RBFOX1: variants seen among roughly 807,000 people sequenced by gnomAD.
The protein encoded by RBFOX1 is RNA binding fox-1 homolog 1, also known as RNA binding protein fox-1 homolog 1.
RBFOX1 carries 8 observed loss-of-function variants against 57.7 expected under a neutral mutation model. The ratio of observed to expected loss-of-function variants is 0.14; its 90% CI spans 0.08 to 0.25. The LOEUF (loss-of-function observed/expected upper bound fraction) is 0.25, where lower values mean the gene tolerates loss of function less well. Ranked by LOEUF, RBFOX1 falls within the 10% of genes least tolerant of loss-of-function variation. The probability of loss-of-function intolerance (pLI) is 1.00; values close to 1 mark genes in which losing one functional copy is unlikely to be tolerated. For missense variants in RBFOX1, 611 were observed against 548.5 expected, an observed-to-expected ratio of 1.11 and a Z score of -1.14; for synonymous variants, 326 against 222.4, an observed-to-expected ratio of 1.47 and a Z score of -4.15.
rs187160600 is a variant in RBFOX1, at chr16:6,545,921, G to A, written c.-63-108682G>A. 1.5e-3 allele frequency among the ~76,000 whole-genome samples: 224 copies of A among 152,296 alleles called. 1 individual carries two copies. Among genetic ancestry groups the A allele is most frequent in the Non-Finnish European group, 2.4e-3 (165 of 68,022 alleles). On this transcript the variant is annotated intron_variant, in intron 2 of 15. Transcript: ENST00000550418. ...AGCTCTTTCAACTTGAGTACTGCAC[G>A]TGCTAGATAGTCTCTGTGTACTGTT...
intron 4 of RBFOX1, among the ~76,000 whole-genome samples, chr16:7,146,094 A>G (rs1600923049): frequency 6.6e-6 from 1 of 152,184 alleles, no homozygotes; most frequent in African/African-American, 2.4e-5. Flanking sequence ...AATGAATTTT[A>G]AAATGAACTT....
intron 3 of RBFOX1, among the ~76,000 whole-genome samples, chr16:6,862,334 A>C (rs975882291): frequency 2.6e-5 from 4 of 152,182 alleles, no homozygotes; most frequent in African/African-American, 9.6e-5. Context: ...GGCGATGCTG[A>C]TCGTGCAGGT....
chr16:5,633,701 C>G (rs1221017964), intron 3 of RBFOX1, among the ~76,000 whole-genome samples: 1 of 152,056 alleles, frequency 6.6e-6, no homozygotes, highest in South Asian at 2.1e-4. Flanking sequence ...TCGTGAAACT[C>G]CGTCTCTTCT....
chr16:7,296,435 G>A (rs779454337), intron 4 of RBFOX1, among the ~76,000 whole-genome samples: 8 of 151,834 alleles, frequency 5.3e-5, no homozygotes, highest in Non-Finnish European at 1.2e-4. Context: ...ACTTTTCTTG[G>A]AACTGTCCAT....
chr16:6,621,152 C>G (rs1242307577), intron 2 of RBFOX1, among the ~76,000 whole-genome samples: 1 of 152,206 alleles, frequency 6.6e-6, no homozygotes, highest in Non-Finnish European at 1.5e-5. Flanking sequence ...AAATCTCCCT[C>G]TCCTTTCTCT....
chr16:7,258,207 G>A (rs568046883), intron 4 of RBFOX1, among the ~76,000 whole-genome samples: 5 of 152,224 alleles, frequency 3.3e-5, no homozygotes, highest in Admixed American at 6.5e-5. Context: ...GTACAGAGAG[G>A]CATGTATGCA....
chr16:7,228,924 T>C (rs1297274074), intron 4 of RBFOX1, among the ~76,000 whole-genome samples: 1 of 152,102 alleles, frequency 6.6e-6, no homozygotes, highest in African/African-American at 2.4e-5. Context: ...ATGGATGCAT[T>C]GGGGTAGAGA....
intron 2 of RBFOX1, among the ~76,000 whole-genome samples, chr16:6,383,953 A>G (rs748405412): frequency 6.6e-6 from 1 of 152,118 alleles, no homozygotes; most frequent in Non-Finnish European, 1.5e-5. Flanking sequence ...GGGAAAAAAA[A>G]GAGAACAATT....
rs112147109 is a variant in RBFOX1, at chr16:5,875,745, T to C, written c.351+8410T>C. ...TTCCTCTGTGAAAATTGATTAAGGG[T>C]CTCTGGAAAAGTGAACCGTTGTAAA... On this transcript the variant is annotated intron_variant, in intron 4 of 19. Transcript: ENST00000641259. 1.8e-3 allele frequency among the ~76,000 whole-genome samples: 272 copies of C among 152,204 alleles called. 1 individual carries two copies. The highest frequency in any genetic ancestry group is 6.2e-3 in the African/African-American group (258 of 41,526).
At chr16:6,371,608 A>G (rs111468940) in intron 2 of RBFOX1, among the ~76,000 whole-genome samples, 1 of 152,076 alleles carries the variant, frequency 6.6e-6, no homozygotes, top group Non-Finnish European at 1.5e-5. Flanking sequence ...TTCTTGCCCC[A>G]GTCCTAGAGC....
chr16:6,377,285 A>AAG (rs1555448031), intron 2 of RBFOX1, among the ~76,000 whole-genome samples: 10 of 148,702 alleles, frequency 6.7e-5, no homozygotes, highest in Admixed American at 2.0e-4. Context: ...AAAAAAAAAA[A>AAG]AAAAAGAAAA....
chr16:5,573,314 A>T (rs2046347510), intron 2 of RBFOX1, among the ~76,000 whole-genome samples: 1 of 152,114 alleles, frequency 6.6e-6, no homozygotes, highest in Non-Finnish European at 1.5e-5. Context: ...AAGGCCACAA[A>T]GGTGGTTCTT....
chr16:6,001,873 C>G (rs1056201269), intron 4 of RBFOX1, among the ~76,000 whole-genome samples: 2 of 152,046 alleles, frequency 1.3e-5, no homozygotes, highest in African/African-American at 4.8e-5. Context: ...CTGAGGCCCT[C>G]CTCATTCCCT....
intron 3 of RBFOX1, among the ~76,000 whole-genome samples, chr16:5,846,192 A>C (rs2056753015): frequency 6.6e-6 from 1 of 151,980 alleles, no homozygotes; most frequent in East Asian, 1.9e-4. Flanking sequence ...AAAAAAAAAA[A>C]AAAAAGAATT....
intron 11 of RBFOX1, among the ~76,000 whole-genome samples, chr16:7,635,914 C>T (rs903971276): frequency 6.6e-6 from 1 of 152,080 alleles, no homozygotes; most frequent in Non-Finnish European, 1.5e-5. Flanking sequence ...GGGTTCACAC[C>T]ATTCTCCTGT....
intron 3 of RBFOX1, among the ~76,000 whole-genome samples, chr16:5,824,734 G>A (rs1016908422): frequency 2.0e-5 from 3 of 152,208 alleles, no homozygotes; most frequent in East Asian, 1.9e-4. Flanking sequence ...AGGCTCAGAC[G>A]TTGCTTTCTA....
chr16:6,108,182 A>C (rs1238839101), intron 1 of RBFOX1, among the ~76,000 whole-genome samples: 1 of 152,176 alleles, frequency 6.6e-6, no homozygotes, highest in Non-Finnish European at 1.5e-5. Context: ...AATTTAATGC[A>C]ATATACATGT....
rs1423979859 is a variant in RBFOX1 at position 5,918,304 on chromosome 16, C to CAAAATTTT, written c.351+50970_351+50971insAAATTTTA. ...CTGGCTAATTTTTGTATTTTTAGTACAGACGGGGTTTCACCATGTTGGCCA... is the reference window on the plus strand; with the variant it reads ...CTGGCTAATTTTTGTATTTTTAGTACAAAATTTTAGACGGGGTTTCACCATGTTGGCCA... On this transcript the variant is annotated intron_variant, in intron 4 of 19. Coordinates refer to the RBFOX1 transcript ENST00000641259. Among the ~76,000 whole-genome samples the CAAAATTTT allele has an allele frequency of 5.3e-5, 8 of 152,132 alleles. No individual in the cohort carries two copies. The East Asian group carries it at 1.6e-3, about 29-fold the overall frequency.
chr16:6,256,747 G>A (rs928435857), intron 1 of RBFOX1, among the ~76,000 whole-genome samples: 5 of 151,970 alleles, frequency 3.3e-5, no homozygotes, highest in Non-Finnish European at 5.9e-5. Flanking sequence ...TTCCTCTCCC[G>A]TTTTGACAAC....
Sources: gnomAD v4.1 joint callset for allele counts (sites outside exome capture counted in the v4.1 genomes callset) on GRCh38, gnomAD v4.1.1 for gene constraint, MANE v1.5 for transcripts, NCBI Gene and HGNC (gene_info 2026-07-23, HGNC 2026-07-21) for gene names.